Variants in HSD17B14 observed in about 807,000 individuals in gnomAD.
HSD17B14 encodes hydroxysteroid 17-beta dehydrogenase 14.
A neutral mutation model predicts 32.2 loss-of-function variants in HSD17B14; 32 were observed. That is an observed-to-expected ratio of 0.99 (90% CI 0.75 to 1.33). The LOEUF is 1.33. HSD17B14 is among the 40% of genes most tolerant of loss of function. The pLI, the probability that HSD17B14 is intolerant of heterozygous loss-of-function variation, is 0.00. For missense variants in HSD17B14, 370 were observed against 366.5 expected (o/e 1.01, Z -0.08); for synonymous variants, 140 against 155.4 (o/e 0.90, Z 0.74).
At chr19:48,828,665 C>T (rs150697867) in intron 5 of HSD17B14, among the ~76,000 whole-genome samples, 1 of 151,972 alleles carries the variant, frequency 6.6e-6, no homozygotes, top group Admixed American at 6.6e-5. Flanking sequence ...TGCGGTGGCT[C>T]ACACCTGTAA....
At position 48,832,548 on chromosome 19, in the gene HSD17B14, TAG is replaced by T. The variant is rs1293159754; in HGVS notation, c.277+116_277+117del. ...TGCTTTACTCTCCTGTCCAAGTGGC[TAG>T]AAAGAGGTATGAGGCAGGATGAGGG... On this transcript the variant is annotated intron_variant, in intron 4 of 8. Transcript: ENST00000263278. The T allele has an allele frequency of 1.3e-5, 12 of 894,914 alleles. No homozygotes were observed. The South Asian group carries it at 1.6e-4, about 12-fold the overall frequency. The allele number at this position is 894,914 out of a possible 1,614,324, so 55.4% of individuals were successfully genotyped here.
At chr19:48,823,561 C>T (rs770481932) in intron 5 of HSD17B14, among the ~76,000 whole-genome samples, 5 of 151,732 alleles carry the variant, frequency 3.3e-5, no homozygotes, top group Non-Finnish European at 7.4e-5. Context: ...ATATGGTGTA[C>T]AAAATGTGAA....
intron 2 of HSD17B14, among the ~76,000 whole-genome samples, chr19:48,835,074 T>G (rs367708728): frequency 0.041 from 45 of 1,102 alleles, no homozygotes; most frequent in Non-Finnish European, 0.021. Context: ...AGGGAGGAGG[T>G]GCTGGGAGCC....
intron 4 of HSD17B14, among the ~76,000 whole-genome samples, chr19:48,832,252 G>A (rs983951804): frequency 3.3e-5 from 5 of 151,282 alleles, no homozygotes; most frequent in African/African-American, 9.7e-5. Context: ...GCTGGTGGGC[G>A]CCTGTAATCC....
At chr19:48,825,298 G>T (rs1279253879) in intron 5 of HSD17B14, among the ~76,000 whole-genome samples, 1 of 151,466 alleles carries the variant, frequency 6.6e-6, no homozygotes. Context: ...GAGTCAACGG[G>T]TAGAGCAAGT....
chr19:48,821,607 GA>G (rs1369327450), intron 5 of HSD17B14, among the ~76,000 whole-genome samples: 1 of 151,454 alleles, frequency 6.6e-6, no homozygotes, highest in Non-Finnish European at 1.5e-5. Context: ...AGAGAGAAGA[GA>G]AAAAAAGAGA....
At chr19:48,832,604 CG>C in intron 4 of HSD17B14, 61 bp downstream of exon 4, 1 of 1,412,760 alleles carries the variant, frequency 7.1e-7, no homozygotes, top group South Asian at 1.2e-5. Context: ...GGGAAACTGA[CG>C]TGCAGGAAAC....
intron 5 of HSD17B14, among the ~76,000 whole-genome samples, chr19:48,820,928 C>T (rs2035136376): frequency 6.6e-6 from 1 of 151,796 alleles, no homozygotes; most frequent in Non-Finnish European, 1.5e-5. Flanking sequence ...GGTCTCAAAC[C>T]CCTGACCTTG....
intron 5 of HSD17B14, among the ~76,000 whole-genome samples, chr19:48,825,864 A>G (rs1044186529): frequency 6.6e-6 from 1 of 151,962 alleles, no homozygotes; most frequent in Non-Finnish European, 1.5e-5. Flanking sequence ...TCTGTCACCC[A>G]GGCTGGAGTG....
intron 5 of HSD17B14, among the ~76,000 whole-genome samples, chr19:48,822,019 ATGGTGATGGTGGTGATGGTGATGATTG>A (rs2035159646): frequency 7.5e-6 from 1 of 133,656 alleles, no homozygotes; most frequent in South Asian, 2.5e-4. Context: ...ACTGGTGAGG[ATGGTGATGGTGGTGATGGTGATGATTG>A]TGGTGATGAT....
Position 48,834,494 on chromosome 19 carries a change from C to CT in HSD17B14, c.128-137dup, listed in dbSNP as rs1248630570. The CT allele has an allele frequency of 4.2e-4, 188 of 451,858 alleles. 2 individuals carry two copies. In the African/African-American group the frequency reaches 4.2e-3, roughly 10 times the overall value. The allele number at this position is 451,858 out of a possible 1,614,324, so 28.0% of individuals were successfully genotyped here. On this transcript the variant is annotated intron_variant, in intron 2 of 8. Coordinates refer to ENST00000263278, the MANE Select transcript of HSD17B14 (RefSeq NM_016246.3). ...GGTCTGAGGGAGGAGGGGCTGAGGTCTGGACTCCTGGGTCTGAGGAAGTAG... is the reference window on the plus strand; with the variant it reads ...GGTCTGAGGGAGGAGGGGCTGAGGTCTTGGACTCCTGGGTCTGAGGAAGTAG...
Position 48,813,097 on chromosome 19 carries a change from G to T in HSD17B14, c.*78C>A. ...AACTGGGCTTAGAGTCTAAGGGCTT[G>T]GGGGCTGCATCTGATACAGGTTGGA... On this transcript the variant is annotated 3_prime_UTR_variant, in exon 9 of 9. Transcript: ENST00000263278. The T allele has an allele frequency of 3.3e-6, 3 of 922,908 alleles. No homozygotes were observed. Among genetic ancestry groups the T allele is most frequent in the Non-Finnish European group, 4.9e-6 (3 of 606,206 alleles). The allele number at this position is 922,908 out of a possible 1,614,324, so 57.2% of individuals were successfully genotyped here. A position where few individuals can be genotyped will look rare whatever the true frequency, so the allele number is the denominator to read the frequency against.
At chr19:48,815,611 A>G (rs1366842683) in intron 5 of HSD17B14, among the ~76,000 whole-genome samples, 1 of 152,146 alleles carries the variant, frequency 6.6e-6, no homozygotes, top group Non-Finnish European at 1.5e-5. Flanking sequence ...CCTGGGCTCA[A>G]GCAATCCTCC....
At chr19:48,830,600 C>T (rs935478508) in intron 5 of HSD17B14, among the ~76,000 whole-genome samples, 10 of 152,000 alleles carry the variant, frequency 6.6e-5, no homozygotes, top group African/African-American at 1.9e-4. Flanking sequence ...CAGAGTGTGG[C>T]GTTTCTCTAT....
intron 5 of HSD17B14, among the ~76,000 whole-genome samples, chr19:48,828,143 C>T (rs1323848252): frequency 1.3e-5 from 2 of 152,138 alleles, no homozygotes; most frequent in African/African-American, 2.4e-5. Context: ...CATGAGGTGC[C>T]GCGCCCGGCC....
chr19:48,832,872 G>A (rs1215989680), intron 3 of HSD17B14, 140 bp from the exon 4 acceptor site: 3 of 694,496 alleles, frequency 4.3e-6, no homozygotes, highest in East Asian at 5.5e-5. Context: ...TCCTACCTCA[G>A]CCTCCCAAGT....
chr19:48,821,488 T>C (rs1294588107), intron 5 of HSD17B14, among the ~76,000 whole-genome samples: 1 of 152,134 alleles, frequency 6.6e-6, no homozygotes, highest in Non-Finnish European at 1.5e-5. Context: ...AAACTTTGGC[T>C]TGTATCAGAA....
intron 6 of HSD17B14, among the ~76,000 whole-genome samples, chr19:48,814,418 A>G (rs2035016578): frequency 6.6e-6 from 1 of 152,090 alleles, no homozygotes; most frequent in South Asian, 2.1e-4. Flanking sequence ...GCTACTTGGG[A>G]GGCTGAGGCA....
rs557602514 is a variant in HSD17B14 at position 48,815,050 on chromosome 19, T to G, written c.461A>C (p.Tyr154Ser). ...GAIGQAQAVP[Y>S]VATKGAVTAM... ...GGGCTGCCATACCTTGGTGGCCACA[T>G]AGGGAACTGCCTGGGCCTGGCCGAT... The change falls in exon 6 of 9, where the codon TAT (tyrosine) becomes TCT (serine). Residue 154 changes from tyrosine (Y) to serine (S), a missense_variant. Transcript: ENST00000263278. 1.2e-6 allele frequency: 2 copies of G among 1,613,196 alleles called. No individual in the cohort carries two copies. The highest frequency in any genetic ancestry group is 3.3e-5 in the Admixed American group (2 of 59,956).
Sources: allele counts gnomAD v4.1 joint callset (sites outside exome capture counted in the v4.1 genomes callset), GRCh38; gene constraint gnomAD v4.1.1; transcripts MANE v1.5; gene names NCBI Gene and HGNC (gene_info 2026-07-23, HGNC 2026-07-21).